Variants in MAP3K7CL observed in about 807,000 individuals in gnomAD.
MAP3K7CL encodes the protein MAP3K7 C-terminal-like protein.
MAP3K7CL carries 16 observed loss-of-function variants against 18.6 expected under a neutral mutation model. The ratio of observed to expected loss-of-function variants is 0.86; its 90% CI spans 0.58 to 1.31. MAP3K7CL has a LOEUF of 1.31. Ranked by LOEUF, MAP3K7CL falls within the 50% of genes most tolerant of loss-of-function variation. The pLI, the probability that MAP3K7CL is intolerant of heterozygous loss-of-function variation, is 0.00. For synonymous variants in MAP3K7CL, 65 were observed against 66.8 expected (o/e 0.97, Z 0.13); for missense variants, 163 against 174.4 (o/e 0.93, Z 0.37).
chr21:29,130,505 C>A, upstream of MAP3K7CL: 2 of 716,812 alleles, frequency 2.8e-6, no homozygotes, highest in Non-Finnish European at 3.4e-6. Flanking sequence ...ACATTCCTGT[C>A]TTGTGAAGCA....
intron 4 of MAP3K7CL, chr21:29,109,292 T>C (rs1236136183): frequency 6.7e-7 from 1 of 1,485,742 alleles, no homozygotes; most frequent in East Asian, 2.5e-5. Flanking sequence ...GCTTATTTTG[T>C]GCCCATTTAA....
intron 4 of MAP3K7CL, among the ~76,000 whole-genome samples, chr21:29,106,177 T>C (rs1428697812): frequency 6.6e-6 from 1 of 152,128 alleles, no homozygotes; most frequent in African/African-American, 2.4e-5. Flanking sequence ...TTGAAAGTAC[T>C]AAGAAAACGG....
chr21:29,161,739 G>C (rs1293917435), intron 4 of MAP3K7CL, among the ~76,000 whole-genome samples: 2 of 152,020 alleles, frequency 1.3e-5, no homozygotes, highest in Admixed American at 1.3e-4. Context: ...AAAAGCGAAT[G>C]AAATATATTT....
chr21:29,119,344 T>A (rs951384141), intron 4 of MAP3K7CL, among the ~76,000 whole-genome samples: 3 of 152,238 alleles, frequency 2.0e-5, no homozygotes, highest in African/African-American at 7.2e-5. Context: ...TCATCACTAA[T>A]TCAACCCTAA....
Position 29,145,275 on chromosome 21 carries a change from AT to A in MAP3K7CL, c.71-3904del, listed in dbSNP as rs368444105. On this transcript the variant is annotated intron_variant, in intron 2 of 4. Coordinates refer to ENST00000399928, the MANE Select transcript of MAP3K7CL (RefSeq NM_001286620.2). ...CCCATTATAAACATATCAAGCAACTATTTTTTTTTTCAAAAAAGCTAAATTT... is the reference window on the plus strand; with the variant it reads ...CCCATTATAAACATATCAAGCAACTATTTTTTTTTCAAAAAAGCTAAATTT... 1.3e-3 allele frequency among the ~76,000 whole-genome samples: 200 copies of A among 149,942 alleles called. 1 individual carries two copies. The highest frequency in any genetic ancestry group is 3.5e-3 in the African/African-American group (144 of 40,964).
Position 29,116,867 on chromosome 21 carries a change from T to A in MAP3K7CL, c.370+24286T>A, listed in dbSNP as rs567973526. 3.3e-5 allele frequency among the ~76,000 whole-genome samples: 5 copies of A among 152,332 alleles called. No homozygotes were observed. The South Asian group carries it at 1.0e-3, about 32-fold the overall frequency. On this transcript the variant is annotated intron_variant, in intron 4 of 6. Transcript: ENST00000286791. The stretch of plus-strand genomic sequence containing the variant: ...TTTTAAAGCAATATACTTTTTCATG[T>A]TCAGGAATGATTTCCTGATATATAA...
intron 4 of MAP3K7CL, among the ~76,000 whole-genome samples, chr21:29,113,105 A>G (rs566329268): frequency 2.6e-5 from 4 of 152,102 alleles, no homozygotes; most frequent in East Asian, 3.9e-4. Context: ...CCATTTATCT[A>G]TATCTTATTT....
intron 4 of MAP3K7CL, among the ~76,000 whole-genome samples, chr21:29,124,051 G>A (rs1419233706): frequency 2.0e-5 from 3 of 151,860 alleles, no homozygotes; most frequent in Non-Finnish European, 4.4e-5. Context: ...TGCTGTCTAG[G>A]TGTTTATAGA....
At chr21:29,109,851 T>C (rs148188251) in intron 4 of MAP3K7CL, 213 of 934,038 alleles carry the variant, frequency 2.3e-4, no homozygotes, top group Middle Eastern at 5.5e-4. Flanking sequence ...AGGAGTGGGA[T>C]TTCTGGGTCA....
At chr21:29,135,854 A>G (rs1221120766) in intron 2 of MAP3K7CL, among the ~76,000 whole-genome samples, 1 of 152,096 alleles carries the variant, frequency 6.6e-6, no homozygotes. Flanking sequence ...CTCTAGCCCC[A>G]CCAAAAGATG....
chr21:29,126,786 C>T (rs62222420), upstream of MAP3K7CL, among the ~76,000 whole-genome samples: 4,473 of 152,168 alleles, frequency 0.029, 102 homozygotes, highest in Middle Eastern at 0.096. Flanking sequence ...TCTAATATGG[C>T]CCTTTAGAGA....
intron 1 of MAP3K7CL, among the ~76,000 whole-genome samples, chr21:29,089,214 G>T (rs2085979977): frequency 6.8e-6 from 1 of 147,064 alleles, no homozygotes; most frequent in African/African-American, 2.5e-5. Flanking sequence ...CACTGGTCCT[G>T]GGGTTGTCTG....
chr21:29,149,955 TACTTA>T (rs1383985331), intron 3 of MAP3K7CL, among the ~76,000 whole-genome samples: 2 of 152,240 alleles, frequency 1.3e-5, no homozygotes, highest in African/African-American at 4.8e-5. Context: ...TTCACTTGAA[TACTTA>T]ACTTTGTAGT....
At chr21:29,131,498 C>T (rs1191810690) in intron 1 of MAP3K7CL, 1 of 152,184 alleles carries the variant, frequency 6.6e-6, no homozygotes, top group African/African-American at 2.4e-5. Context: ...GCAGGTAAGA[C>T]TGGACAGAAG....
chr21:29,139,895 CTTTT>C lies in MAP3K7CL; in HGVS notation c.70+6503_70+6506del, dbSNP rs5843369. Reference sequence around the variant, plus strand: ...CACGACGCCCAGGCCCCATCTCTGGCTTTTTTTTTTTTTTTTTTTTTTTTTGGCA... The same window carrying C: ...CACGACGCCCAGGCCCCATCTCTGGCTTTTTTTTTTTTTTTTTTTTTGGCA... On this transcript the variant is annotated intron_variant, in intron 2 of 4. Transcript: ENST00000399928. Among the ~76,000 whole-genome samples, 9 of 67,364 alleles carry C rather than the reference CTTTT, an allele frequency of 1.3e-4. No homozygotes were observed. In the East Asian group the frequency reaches 2.8e-3, roughly 21 times the overall value. The allele number at this position is 67,364 out of a possible 152,430, so 44.2% of individuals were successfully genotyped here.
Position 29,094,581 on chromosome 21 carries a change from T to A in MAP3K7CL, c.370+2000T>A, listed in dbSNP as rs117377834. Among the ~76,000 whole-genome samples the A allele has an allele frequency of 8.3e-4, 127 of 152,316 alleles. 2 individuals are homozygous for A. The East Asian group carries it at 0.023, about 27-fold the overall frequency. On this transcript the variant is annotated intron_variant, in intron 4 of 6. Transcript: ENST00000286791. ...CCTACTGAGCAAAGTAGTATCTTATTAAATGGTGCAAAATTTGTATCAACT... is the reference window on the plus strand; with the variant it reads ...CCTACTGAGCAAAGTAGTATCTTATAAAATGGTGCAAAATTTGTATCAACT...
chr21:29,089,539 G>A (rs1184577208), intron 1 of MAP3K7CL, among the ~76,000 whole-genome samples: 1 of 152,180 alleles, frequency 6.6e-6, no homozygotes, highest in Non-Finnish European at 1.5e-5. Flanking sequence ...CCTTTCCTAA[G>A]TTAGGGGCTG....
rs1049759490 is a variant in MAP3K7CL at position 29,163,324 on chromosome 21, G to A, written c.248+3268G>A. On this transcript the variant is annotated intron_variant, in intron 4 of 4. Transcript: ENST00000399928. The stretch of plus-strand genomic sequence containing the variant: ...AAGTGTCTCCCTAAATAATTGGCTA[G>A]ATGTAGGGCCAAGGCCAAATTCTTT... Among the ~76,000 whole-genome samples the A allele has an allele frequency of 5.6e-4, 86 of 152,262 alleles. 1 individual carries two copies. The highest frequency in any genetic ancestry group is 1.9e-3 in the African/African-American group (81 of 41,546).
At chr21:29,130,984 C>T (rs1349966285) in intron 1 of MAP3K7CL, 61 bp downstream of exon 1, 1 of 932,036 alleles carries the variant, frequency 1.1e-6, no homozygotes, top group East Asian at 1.2e-4. Flanking sequence ...TTAACCAAAG[C>T]TCTGTTACAG....
Sources: allele counts gnomAD v4.1 joint callset (sites outside exome capture counted in the v4.1 genomes callset), GRCh38; gene constraint gnomAD v4.1.1; transcripts MANE v1.5; gene names NCBI Gene and HGNC (gene_info 2026-07-23, HGNC 2026-07-21).